The following MBNL2 variants were observed in gnomAD, a reference collection of about 807,000 sequenced individuals.
MBNL2 encodes the protein muscleblind-like protein 2.
A neutral mutation model predicts 41.9 loss-of-function variants in MBNL2; 17 were observed. That is an observed-to-expected ratio of 0.41 (90% CI 0.28 to 0.61). The LOEUF is 0.61. Among genes scored for constraint, MBNL2 ranks in the 20% least tolerant of loss-of-function variants. The pLI is 0.35. For synonymous variants in MBNL2, 195 were observed against 182.9 expected (o/e 1.07, Z -0.53); for missense variants, 336 against 505.6 (o/e 0.66, Z 3.22).
intron 2 of MBNL2, among the ~76,000 whole-genome samples, chr13:97,295,323 G>GT (rs59173532): frequency 0.024 from 3,563 of 148,072 alleles, 149 homozygotes; most frequent in African/African-American, 0.081. Context: ...GTCTTTTAAA[G>GT]TTTTTTTTTT....
chr13:97,153,806 T>C, the MBNL2 span, among the ~76,000 whole-genome samples: 1 of 152,180 alleles, frequency 6.6e-6, no homozygotes, highest in Non-Finnish European at 1.5e-5. Flanking sequence ...CCATGTCTAC[T>C]TTACCAAGAG....
chr13:97,209,209 T>C, the MBNL2 span, among the ~76,000 whole-genome samples: 67 of 152,356 alleles, frequency 4.4e-4, no homozygotes, highest in African/African-American at 1.5e-3. Context: ...CATTATTATT[T>C]TCTTCTATAT....
chr13:97,263,038 C>T (rs1158645463), intron 1 of MBNL2, among the ~76,000 whole-genome samples: 3 of 152,172 alleles, frequency 2.0e-5, no homozygotes, highest in Non-Finnish European at 2.9e-5. Context: ...CCACTCGCCT[C>T]GGCCTCCCAA....
the MBNL2 span, among the ~76,000 whole-genome samples, chr13:97,143,624 A>G: frequency 6.6e-6 from 1 of 152,244 alleles, no homozygotes; most frequent in African/African-American, 2.4e-5. Context: ...GTTGACAGCT[A>G]AGATTTAACT....
chr13:97,159,550 A>T, the MBNL2 span, among the ~76,000 whole-genome samples: 1 of 151,852 alleles, frequency 6.6e-6, no homozygotes, highest in Non-Finnish European at 1.5e-5. Flanking sequence ...GTTACTTTCC[A>T]TGTTTAGAGC....
At chr13:97,309,331 C>A (rs187376936) in intron 2 of MBNL2, among the ~76,000 whole-genome samples, 13 of 152,320 alleles carry the variant, frequency 8.5e-5, no homozygotes, top group Admixed American at 7.2e-4. Context: ...CTGTTGTTGA[C>A]TGTAACTTAC....
chr13:97,214,955 G>A, the MBNL2 span, among the ~76,000 whole-genome samples: 1 of 152,230 alleles, frequency 6.6e-6, no homozygotes, highest in Non-Finnish European at 1.5e-5. Context: ...TGGAAAGGTG[G>A]ATGATCCTGG....
chr13:97,156,291 A>G, the MBNL2 span, among the ~76,000 whole-genome samples: 1 of 141,090 alleles, frequency 7.1e-6, no homozygotes, highest in African/African-American at 2.7e-5. Context: ...TAGATTCTGG[A>G]TATTAGCCCT....
At chr13:97,250,253 A>G (rs2046267375) in intron 1 of MBNL2, among the ~76,000 whole-genome samples, 2 of 152,150 alleles carry the variant, frequency 1.3e-5, no homozygotes, top group South Asian at 4.1e-4. Context: ...AGTTTCAGGT[A>G]TATTCTCCAG....
intron 2 of MBNL2, among the ~76,000 whole-genome samples, chr13:97,323,931 A>T (rs1389254827): frequency 1.3e-5 from 2 of 152,198 alleles, no homozygotes; most frequent in African/African-American, 4.8e-5. Flanking sequence ...AAACAATCCA[A>T]TTATATTCTT....
intron 1 of MBNL2, among the ~76,000 whole-genome samples, chr13:97,272,877 T>C (rs553283559): frequency 9.2e-5 from 14 of 152,244 alleles, no homozygotes; most frequent in Non-Finnish European, 1.9e-4. Context: ...TAGAGTCTGA[T>C]CATCTGAATT....
At chr13:97,262,433 A>G (rs1175530396) in intron 1 of MBNL2, among the ~76,000 whole-genome samples, 4 of 152,070 alleles carry the variant, frequency 2.6e-5, no homozygotes, top group South Asian at 2.1e-4. Flanking sequence ...CTGTTGCATT[A>G]TTGGAAGGAT....
chr13:97,166,377 C>T, the MBNL2 span, among the ~76,000 whole-genome samples: 1 of 152,122 alleles, frequency 6.6e-6, no homozygotes, highest in Non-Finnish European at 1.5e-5. Context: ...AAGGTAGCCA[C>T]AGAGTGAGAA....
chr13:97,373,794 G>C (rs1566448470), intron 8 of MBNL2, among the ~76,000 whole-genome samples: 1 of 152,000 alleles, frequency 6.6e-6, no homozygotes, highest in Admixed American at 6.5e-5. Context: ...GGCCTACCCT[G>C]AAGTTTAATT....
the MBNL2 span, among the ~76,000 whole-genome samples, chr13:97,196,127 G>A: frequency 6.6e-6 from 1 of 152,112 alleles, no homozygotes; most frequent in Non-Finnish European, 1.5e-5. Context: ...TTGAAGCTCT[G>A]CCCCTCTGGT....
upstream of MBNL2, among the ~76,000 whole-genome samples, chr13:97,218,444 A>AAAAAAAAAAAAC (rs2040591159): frequency 7.3e-6 from 1 of 136,820 alleles, no homozygotes; most frequent in Non-Finnish European, 1.6e-5. Flanking sequence ...ACAAAACAAA[A>AAAAAAAAAAAAC]AAAAAAAACT....
At chr13:97,244,574 A>G (rs1177835450) in intron 1 of MBNL2, among the ~76,000 whole-genome samples, 1 of 152,220 alleles carries the variant, frequency 6.6e-6, no homozygotes, top group African/African-American at 2.4e-5. Context: ...CCTTTGTTTT[A>G]CAATGTAGAC....
chr13:97,367,317 C>T (rs115190984), intron 8 of MBNL2, among the ~76,000 whole-genome samples: 1 of 152,168 alleles, frequency 6.6e-6, no homozygotes, highest in Non-Finnish European at 1.5e-5. Flanking sequence ...AACATGTGCT[C>T]CTAGCCACAA....
At chr13:97,160,539 GA>G in the MBNL2 span, among the ~76,000 whole-genome samples, 5 of 152,084 alleles carry the variant, frequency 3.3e-5, no homozygotes, top group South Asian at 6.2e-4. Flanking sequence ...TAAGTAGCTG[GA>G]TTATGAGGCA....
Sources: allele counts gnomAD v4.1 joint callset (sites outside exome capture counted in the v4.1 genomes callset), GRCh38; gene constraint gnomAD v4.1.1; transcripts MANE v1.5; gene names NCBI Gene and HGNC (gene_info 2026-07-23, HGNC 2026-07-21).